Variants in FGF12 observed in about 807,000 individuals in gnomAD.
The protein encoded by FGF12 is fibroblast growth factor 12, also known as fibroblast growth factor 12B.
FGF12 carries 14 observed loss-of-function variants against 23.6 expected under a neutral mutation model. The ratio of observed to expected loss-of-function variants is 0.59; its 90% CI spans 0.39 to 0.93. The LOEUF (loss-of-function observed/expected upper bound fraction) is 0.93, where lower values mean the gene tolerates loss of function less well. FGF12 is among the 40% of genes least tolerant of loss of function. The pLI is 0.00. For missense variants in FGF12, 175 were observed against 217.8 expected (o/e 0.80, Z 1.24); for synonymous variants, 62 against 77.3 (o/e 0.80, Z 1.04).
At chr3:192,713,024 T>G (rs1451615640) in intron 2 of FGF12, among the ~76,000 whole-genome samples, 2 of 152,114 alleles carry the variant, frequency 1.3e-5, no homozygotes, top group South Asian at 4.1e-4. Context: ...TTAAATATAG[T>G]ACAAAGTATG....
At chr3:192,598,208 T>G (rs769957605) in intron 2 of FGF12, among the ~76,000 whole-genome samples, 1 of 152,158 alleles carries the variant, frequency 6.6e-6, no homozygotes, top group South Asian at 2.1e-4. Flanking sequence ...CAACTACAGT[T>G]AGAAAAGCTA....
chr3:192,182,851 T>C (rs938935435), intron 4 of FGF12, among the ~76,000 whole-genome samples: 3 of 152,216 alleles, frequency 2.0e-5, no homozygotes, highest in Non-Finnish European at 4.4e-5. Context: ...ACATTTCACC[T>C]GCGAATATGC....
At chr3:192,507,267 A>G (rs1160422150) in intron 2 of FGF12, among the ~76,000 whole-genome samples, 1 of 151,468 alleles carries the variant, frequency 6.6e-6, no homozygotes, top group Non-Finnish European at 1.5e-5. Context: ...CAGTCAGTCA[A>G]TTAAGGGGCT....
chr3:192,190,510 C>T lies in FGF12; in HGVS notation c.229-19854G>A, dbSNP rs557025067. On this transcript the variant is annotated intron_variant, in intron 4 of 5. Transcript: ENST00000445105. Reference sequence around the variant, plus strand: ...TTTTTTTTTGAGACTGAGTCTCGCTCTGTCGCCCAGGCTGGAGTGCAGTGG... The same window carrying T: ...TTTTTTTTTGAGACTGAGTCTCGCTTTGTCGCCCAGGCTGGAGTGCAGTGG... Among the ~76,000 whole-genome samples the T allele has an allele frequency of 6.2e-3, 743 of 120,208 alleles. 6 individuals are homozygous for T. The highest frequency in any genetic ancestry group is 0.025 in the African/African-American group (712 of 28,836). The allele number at this position is 120,208 out of a possible 152,430, so 78.9% of individuals were successfully genotyped here.
intron 2 of FGF12, among the ~76,000 whole-genome samples, chr3:192,537,912 A>G (rs541362668): frequency 7.2e-6 from 1 of 139,002 alleles, no homozygotes; most frequent in African/African-American, 2.6e-5. Flanking sequence ...TTCTTTTATT[A>G]GTTTCATAGT....
At chr3:192,382,396 G>A (rs191263030) in intron 2 of FGF12, among the ~76,000 whole-genome samples, 136 of 152,278 alleles carry the variant, frequency 8.9e-4, no homozygotes, top group Non-Finnish European at 1.5e-3. Context: ...CAATGGTGTA[G>A]AACTTCAAAT....
At chr3:192,686,128 G>A (rs74342981) in intron 2 of FGF12, among the ~76,000 whole-genome samples, 7,540 of 152,218 alleles carry the variant, frequency 0.05, 349 homozygotes, top group East Asian at 0.2. Flanking sequence ...TGAGCATGTC[G>A]ATTAGCTGAG....
At chr3:192,503,738 TG>T in intron 2 of FGF12, among the ~76,000 whole-genome samples, 1 of 151,946 alleles carries the variant, frequency 6.6e-6, no homozygotes, top group South Asian at 2.1e-4. Context: ...CCGGAGTAGC[TG>T]GGACTACAGG....
intron 4 of FGF12, among the ~76,000 whole-genome samples, chr3:192,193,310 G>T (rs1423356303): frequency 1.3e-5 from 2 of 152,142 alleles, no homozygotes; most frequent in African/African-American, 4.8e-5. Context: ...GAGGTGACAA[G>T]AGAACAACTT....
chr3:192,186,931 T>C (rs1438068252), intron 4 of FGF12, among the ~76,000 whole-genome samples: 2 of 152,210 alleles, frequency 1.3e-5, no homozygotes, highest in Admixed American at 6.5e-5. Context: ...CATTTTTAAT[T>C]CTCTTCTCCT....
chr3:192,218,733 A>G (rs1266953828), intron 4 of FGF12, among the ~76,000 whole-genome samples: 4 of 152,242 alleles, frequency 2.6e-5, no homozygotes, highest in African/African-American at 7.2e-5. Flanking sequence ...TCACAATTGC[A>G]TACACAACAA....
intron 5 of FGF12, among the ~76,000 whole-genome samples, chr3:192,154,132 A>G (rs1320010640): frequency 8.6e-6 from 1 of 115,754 alleles, no homozygotes; most frequent in African/African-American, 3.3e-5. Context: ...TGCATTCTTC[A>G]TGTAGTTCTC....
rs542339433 is a variant in FGF12 at position 192,685,200 on chromosome 3, G to A, written c.13+41981C>T. Among the ~76,000 whole-genome samples, 15 of 152,076 alleles carry A rather than the reference G, an allele frequency of 9.9e-5. No individual in the cohort carries two copies. The East Asian group carries it at 2.3e-3, about 24-fold the overall frequency. On this transcript the variant is annotated intron_variant, in intron 2 of 5. Coordinates refer to ENST00000445105, the MANE Select transcript of FGF12 (RefSeq NM_004113.6). ...CAAGTAGCTGGGATTACAGGGGCCCGCCACCACGCCCGGCTAATTTTTTTG... is the reference window on the plus strand; with the variant it reads ...CAAGTAGCTGGGATTACAGGGGCCCACCACCACGCCCGGCTAATTTTTTTG...
chr3:192,320,481 G>A (rs1253248141), intron 4 of FGF12, among the ~76,000 whole-genome samples: 4 of 152,040 alleles, frequency 2.6e-5, no homozygotes, highest in Non-Finnish European at 5.9e-5. Flanking sequence ...TAAATACAGA[G>A]CATTCCATTA....
intron 4 of FGF12, 50 bp from the exon 5 acceptor site, chr3:192,170,706 G>T: frequency 6.7e-7 from 1 of 1,486,736 alleles, no homozygotes; most frequent in South Asian, 1.2e-5. Flanking sequence ...ATTTAAAGGT[G>T]AATCAGCAAA....
At chr3:192,653,153 G>A (rs757670208) in intron 2 of FGF12, among the ~76,000 whole-genome samples, 2 of 152,142 alleles carry the variant, frequency 1.3e-5, no homozygotes, top group East Asian at 1.9e-4. Flanking sequence ...CAGAAGAGAC[G>A]GTGGGCATAT....
chr3:192,389,306 G>T (rs892097257), intron 2 of FGF12, among the ~76,000 whole-genome samples: 1 of 152,232 alleles, frequency 6.6e-6, no homozygotes, highest in Non-Finnish European at 1.5e-5. Flanking sequence ...GTTGCAGTGA[G>T]CAGAGAAGAT....
intron 2 of FGF12, among the ~76,000 whole-genome samples, chr3:192,374,907 G>A (rs954069253): frequency 2.0e-5 from 3 of 152,042 alleles, no homozygotes; most frequent in Non-Finnish European, 2.9e-5. Flanking sequence ...GCTTCAAATC[G>A]TTTTATAGAA....
chr3:192,490,783 T>A (rs1322174074), intron 2 of FGF12, among the ~76,000 whole-genome samples: 1 of 152,028 alleles, frequency 6.6e-6, no homozygotes, highest in Non-Finnish European at 1.5e-5. Context: ...GCACCTAGGA[T>A]TAAAAGAAGA....
Sources: allele counts gnomAD v4.1 joint callset (sites outside exome capture counted in the v4.1 genomes callset), GRCh38; gene constraint gnomAD v4.1.1; transcripts MANE v1.5; gene names NCBI Gene and HGNC (gene_info 2026-07-23, HGNC 2026-07-21).